SHANK2: variants seen among roughly 807,000 people sequenced by gnomAD.
SHANK2 encodes SH3 and multiple ankyrin repeat domains 2.
In SHANK2, 43 loss-of-function variants were observed where a neutral mutation model predicts 133.7. That is an observed-to-expected ratio of 0.32 (90% confidence interval 0.25 to 0.41). SHANK2 has a LOEUF of 0.41. Ranked by LOEUF, SHANK2 falls within the 10% of genes least tolerant of loss-of-function variation. The probability of loss-of-function intolerance (pLI) is 1.00; values close to 1 mark genes in which losing one functional copy is unlikely to be tolerated. For synonymous variants in SHANK2, 1,017 were observed against 952.8 expected (o/e 1.07, Z -1.24); for missense variants, 1,994 against 2,235.8 (o/e 0.89, Z 2.18).
chr11:70,712,899 C>T (rs1945823845), intron 14 of SHANK2, among the ~76,000 whole-genome samples: 1 of 152,230 alleles, frequency 6.6e-6, no homozygotes, highest in African/African-American at 2.4e-5. Context: ...CACTTGTTCC[C>T]AGCTCCCTGG....
Position 70,569,776 on chromosome 11 carries a change from G to C in SHANK2, c.2062-66845C>G, listed in dbSNP as rs2060021210. Among the ~76,000 whole-genome samples the C allele has an allele frequency of 6.6e-6, 1 of 152,108 alleles. No homozygotes were observed. The highest frequency in any genetic ancestry group is 1.5e-5 in the Non-Finnish European group (1 of 68,014). On this transcript the variant is annotated intron_variant, in intron 17 of 25. Transcript: ENST00000601538. The surrounding 1 kb of genome is among the most constrained non-coding windows in gnomAD (Gnocchi z 5.1). ...GGGAAGATGCTCTCCTGTCCCTGGG[G>C]GGCTGTGATGCTGGCAGATGTGTGA...
At chr11:70,664,946 C>T (rs1324645023) in intron 15 of SHANK2, among the ~76,000 whole-genome samples, 9 of 152,108 alleles carry the variant, frequency 5.9e-5, no homozygotes, top group Admixed American at 4.6e-4. Flanking sequence ...AGCTGGAGGC[C>T]GTGGAGTCGT....
intron 10 of SHANK2, among the ~76,000 whole-genome samples, chr11:70,899,569 C>T (rs73531445): frequency 0.011 from 1,724 of 152,256 alleles, 33 homozygotes; most frequent in African/African-American, 0.04. Flanking sequence ...TGTCTCCAGG[C>T]CACATTCAGA....
intron 14 of SHANK2, among the ~76,000 whole-genome samples, chr11:70,741,512 C>A (rs1946526597): frequency 6.6e-6 from 1 of 152,188 alleles, no homozygotes; most frequent in Non-Finnish European, 1.5e-5. Context: ...CCCCATGTAT[C>A]TGTCTGTACC....
chr11:70,759,573 T>G (rs1946946561), intron 14 of SHANK2, among the ~76,000 whole-genome samples: 1 of 152,214 alleles, frequency 6.6e-6, no homozygotes, highest in Admixed American at 6.5e-5. Context: ...TGTTGAGGTT[T>G]AGCCACAACT....
At chr11:70,713,514 G>T (rs189207920) in intron 14 of SHANK2, among the ~76,000 whole-genome samples, 2 of 152,240 alleles carry the variant, frequency 1.3e-5, no homozygotes, top group Non-Finnish European at 1.5e-5. Flanking sequence ...ACGGAGCCGA[G>T]GGGGAGGCTC....
intron 11 of SHANK2, among the ~76,000 whole-genome samples, chr11:70,849,471 G>C (rs1430878183): frequency 2.0e-5 from 3 of 152,200 alleles, no homozygotes; most frequent in African/African-American, 4.8e-5. Context: ...AGGCCAGCAG[G>C]CTGTGGCAGG....
intron 17 of SHANK2, among the ~76,000 whole-genome samples, chr11:70,601,069 T>TATATC (rs1565167910): frequency 0.13 from 17,442 of 134,776 alleles, 1,179 homozygotes; most frequent in Non-Finnish European, 0.16. Context: ...ATATCTATAT[T>TATATC]TGAGATGGAG....
At position 70,775,695 on chromosome 11, in the gene SHANK2, T is replaced by C. The variant is rs534638493; in HGVS notation, c.1777+22748A>G. On this transcript the variant is annotated intron_variant, in intron 14 of 25. Coordinates refer to ENST00000601538, the MANE Select transcript of SHANK2 (RefSeq NM_012309.5). ...CACAACCTGGCTGTGGACAGGGGGCTACAGAGTGTCATCCAAGATGCTCTC... is the reference window on the plus strand; with the variant it reads ...CACAACCTGGCTGTGGACAGGGGGCCACAGAGTGTCATCCAAGATGCTCTC... Among the ~76,000 whole-genome samples the C allele has an allele frequency of 3.3e-5, 5 of 152,322 alleles. No homozygotes were observed. The East Asian group carries it at 9.6e-4, about 29-fold the overall frequency.
intron 14 of SHANK2, among the ~76,000 whole-genome samples, chr11:70,792,963 G>A (rs1421858312): frequency 6.6e-6 from 1 of 152,026 alleles, no homozygotes; most frequent in Non-Finnish European, 1.5e-5. Context: ...AATAAGGCAG[G>A]AGAATCATTT....
At chr11:71,249,728 T>C (rs1555125550) in intron 1 of SHANK2, among the ~76,000 whole-genome samples, 3 of 152,310 alleles carry the variant, frequency 2.0e-5, no homozygotes, top group South Asian at 2.1e-4. Context: ...CTGTTACGTA[T>C]TTGGAAGTAA....
chr11:70,773,242 G>A (rs189960912), intron 14 of SHANK2, among the ~76,000 whole-genome samples: 1 of 152,208 alleles, frequency 6.6e-6, no homozygotes, highest in Non-Finnish European at 1.5e-5. Context: ...CTGGGCGAGC[G>A]GCTCACAGGG....
intron 5 of SHANK2, among the ~76,000 whole-genome samples, chr11:71,112,635 G>C (rs971157329): frequency 1.3e-5 from 2 of 152,138 alleles, no homozygotes; most frequent in African/African-American, 4.8e-5. Flanking sequence ...GGGGCCAGGG[G>C]CCAGGACAAA....
intron 3 of SHANK2, among the ~76,000 whole-genome samples, chr11:71,119,578 C>CAAAAAAAAAA (rs55759811): frequency 7.4e-6 from 1 of 134,450 alleles, no homozygotes; most frequent in African/African-American, 3.0e-5. Context: ...GACTCCATCT[C>CAAAAAAAAAA]AAAAAAAAAA....
intron 10 of SHANK2, chr11:70,948,173 A>G (rs1251450127): frequency 4.8e-6 from 2 of 414,268 alleles, no homozygotes; most frequent in East Asian, 7.3e-5. Context: ...CTCGGCTCCC[A>G]GCGTGAAGGA....
intron 17 of SHANK2, among the ~76,000 whole-genome samples, chr11:70,522,341 T>C (rs782718924): frequency 1.3e-5 from 2 of 152,234 alleles, no homozygotes; most frequent in African/African-American, 4.8e-5. Flanking sequence ...TTGCTGGACG[T>C]TGCCAATCAA....
chr11:70,826,868 A>T, intron 11 of SHANK2: 1 of 205,088 alleles, frequency 4.9e-6, no homozygotes, highest in South Asian at 9.2e-5. Context: ...TCGAGCTGGC[A>T]GCTGGGAGAC....
chr11:70,625,183 G>A (rs1417880718), intron 17 of SHANK2, among the ~76,000 whole-genome samples: 3 of 152,184 alleles, frequency 2.0e-5, no homozygotes, highest in Non-Finnish European at 4.4e-5. Context: ...GACATGGGGT[G>A]TCTGCCGTCC....
intron 10 of SHANK2, among the ~76,000 whole-genome samples, chr11:70,929,394 T>G (rs1418959889): frequency 6.6e-6 from 1 of 152,194 alleles, no homozygotes; most frequent in Non-Finnish European, 1.5e-5. Context: ...AATGATGCAA[T>G]GTGAATGTAT....
Sources: gnomAD v4.1 joint callset for allele counts (sites outside exome capture counted in the v4.1 genomes callset) on GRCh38, gnomAD v4.1.1 for gene constraint, Gnocchi (gnomAD v3.1) non-coding constraint, MANE v1.5 for transcripts, NCBI Gene and HGNC (gene_info 2026-07-23, HGNC 2026-07-21) for gene names.